Variants in INPP4B observed in about 807,000 individuals in gnomAD.
INPP4B encodes the protein inositol polyphosphate 4-phosphatase type II.
INPP4B carries 55 observed loss-of-function variants against 122.5 expected under a neutral mutation model. That is an observed-to-expected ratio of 0.45 (90% CI 0.36 to 0.56). The LOEUF (loss-of-function observed/expected upper bound fraction) is 0.56, where lower values mean the gene tolerates loss of function less well. INPP4B is among the 20% of genes least tolerant of loss of function. INPP4B has a pLI of 0.00. For missense variants in INPP4B, 1,000 were observed against 1,097.7 expected (o/e 0.91, Z 1.26); for synonymous variants, 403 against 388.7 (o/e 1.04, Z -0.43).
chr4:142,746,969 C>A (rs1768850299), intron 1 of INPP4B, among the ~76,000 whole-genome samples: 1 of 152,056 alleles, frequency 6.6e-6, no homozygotes, highest in Admixed American at 6.6e-5. Flanking sequence ...TGGGCAAAGA[C>A]TTCATGACTA....
At chr4:142,802,259 T>C (rs985175620) in intron 1 of INPP4B, among the ~76,000 whole-genome samples, 3 of 152,242 alleles carry the variant, frequency 2.0e-5, no homozygotes, top group Non-Finnish European at 4.4e-5. Flanking sequence ...TACTTCCTTT[T>C]GCCAGAGACT....
intron 1 of INPP4B, among the ~76,000 whole-genome samples, chr4:142,742,665 A>C (rs1768078055): frequency 6.6e-6 from 1 of 152,000 alleles, no homozygotes; most frequent in Non-Finnish European, 1.5e-5. Flanking sequence ...TTACAACCAA[A>C]TGACCCATGG....
chr4:142,282,931 T>C (rs1055757925), intron 9 of INPP4B, among the ~76,000 whole-genome samples: 2 of 152,082 alleles, frequency 1.3e-5, no homozygotes, highest in Non-Finnish European at 2.9e-5. Context: ...TGTAGAGCTC[T>C]ATAGAAAACA....
intron 2 of INPP4B, among the ~76,000 whole-genome samples, chr4:142,497,428 C>T (rs1822733388): frequency 6.6e-6 from 1 of 152,124 alleles, no homozygotes; most frequent in African/African-American, 2.4e-5. Context: ...ATCAAAGCTA[C>T]ATCTGTTAAT....
At chr4:142,611,637 C>CTTTTTT (rs34482115) in intron 2 of INPP4B, among the ~76,000 whole-genome samples, 467 of 65,126 alleles carry the variant, frequency 7.2e-3, no homozygotes, top group Middle Eastern at 0.017. Flanking sequence ...TTTCTTTTTT[C>CTTTTTT]TTTTTTTTTT....
intron 11 of INPP4B, among the ~76,000 whole-genome samples, chr4:142,259,645 TAC>T (rs1738679124): frequency 6.6e-6 from 1 of 151,804 alleles, no homozygotes; most frequent in African/African-American, 2.4e-5. Context: ...TTTTACTTTA[TAC>T]ACTTTTAAAT....
chr4:142,495,599 T>C (rs764551257), intron 2 of INPP4B, among the ~76,000 whole-genome samples: 8 of 152,084 alleles, frequency 5.3e-5, no homozygotes, highest in Non-Finnish European at 1.2e-4. Context: ...ATCCTCCAGC[T>C]GACTCCCAAA....
intron 2 of INPP4B, among the ~76,000 whole-genome samples, chr4:142,664,900 G>A (rs1331840569): frequency 2.6e-5 from 4 of 152,160 alleles, no homozygotes; most frequent in Non-Finnish European, 4.4e-5. Flanking sequence ...ATCATAGAGT[G>A]TATTTATGTA....
At chr4:142,843,584 G>T (rs1242636291) in intron 1 of INPP4B, among the ~76,000 whole-genome samples, 1 of 151,798 alleles carries the variant, frequency 6.6e-6, no homozygotes, top group South Asian at 2.1e-4. Flanking sequence ...TACAGATTAG[G>T]TATGATATTT....
At chr4:142,622,586 CG>C in intron 2 of INPP4B, among the ~76,000 whole-genome samples, 1 of 151,894 alleles carries the variant, frequency 6.6e-6, no homozygotes, top group Non-Finnish European at 1.5e-5. Flanking sequence ...AAATATCATG[CG>C]GGAAATTCCT....
chr4:142,109,428 C>T (rs920709138), intron 22 of INPP4B, among the ~76,000 whole-genome samples: 9 of 152,144 alleles, frequency 5.9e-5, no homozygotes, highest in African/African-American at 2.2e-4. Context: ...CACTGAACTT[C>T]AATGCTTCTC....
chr4:142,644,055 G>A (rs1751163791), intron 2 of INPP4B, among the ~76,000 whole-genome samples: 1 of 151,994 alleles, frequency 6.6e-6, no homozygotes, highest in Admixed American at 6.6e-5. Flanking sequence ...AAAAAAATTA[G>A]CCAGGTGTGG....
intron 14 of INPP4B, among the ~76,000 whole-genome samples, chr4:142,193,977 T>A (rs552183867): frequency 6.6e-6 from 1 of 152,278 alleles, no homozygotes; most frequent in Admixed American, 6.5e-5. Flanking sequence ...CTTGCTAAAC[T>A]ACATTTTATT....
intron 2 of INPP4B, among the ~76,000 whole-genome samples, chr4:142,550,686 T>C (rs914333145): frequency 5.9e-5 from 9 of 151,606 alleles, no homozygotes; most frequent in African/African-American, 2.2e-4. Context: ...TTTGAAGTGT[T>C]CATTCAATTC....
At chr4:142,459,509 A>G (rs1255409916) in intron 3 of INPP4B, among the ~76,000 whole-genome samples, 1 of 152,172 alleles carries the variant, frequency 6.6e-6, no homozygotes, top group East Asian at 1.9e-4. Context: ...GAGGATTTAA[A>G]AATGTGAATA....
chr4:142,042,505 T>C (rs1466067298), intron 25 of INPP4B, among the ~76,000 whole-genome samples: 1 of 138,122 alleles, frequency 7.2e-6, no homozygotes, highest in African/African-American at 2.8e-5. Context: ...CCACTGCCAA[T>C]TTATGTGTGT....
intron 2 of INPP4B, among the ~76,000 whole-genome samples, chr4:142,581,435 G>A (rs1735032529): frequency 6.6e-6 from 1 of 151,452 alleles, no homozygotes; most frequent in Non-Finnish European, 1.5e-5. Flanking sequence ...AAATCATCAA[G>A]GTCAGTGGAC....
At chr4:142,557,314 G>A (rs984204710) in intron 2 of INPP4B, among the ~76,000 whole-genome samples, 3 of 152,164 alleles carry the variant, frequency 2.0e-5, no homozygotes, top group Admixed American at 1.3e-4. Flanking sequence ...AACAAGAAGA[G>A]TATGTAAAAG....
chr4:142,720,801 C>CTATATA lies in INPP4B; in HGVS notation c.-191+5037_-191+5038insTATATA, dbSNP rs1323800095. ...TCTCTCTCTCTCTCTCTCTCTCTCTCTCTCTCTCTATATATATATATATAT... is the reference window on the plus strand; with the variant it reads ...TCTCTCTCTCTCTCTCTCTCTCTCTCTATATATCTCTCTCTATATATATATATATAT... On this transcript the variant is annotated intron_variant, in intron 2 of 25. Coordinates refer to ENST00000262992, the MANE Select transcript of INPP4B (RefSeq NM_001101669.3). 1.4e-3 allele frequency among the ~76,000 whole-genome samples: 31 copies of CTATATA among 22,340 alleles called. 1 individual carries two copies. The highest frequency in any genetic ancestry group is 7.4e-3 in the South Asian group (3 of 406). 14.7% of individuals were successfully genotyped at this position (22,340 alleles called of 152,430 possible). A position where few individuals can be genotyped will look rare whatever the true frequency, so the allele number is the denominator to read the frequency against.
Sources: allele counts gnomAD v4.1 joint callset (sites outside exome capture counted in the v4.1 genomes callset), GRCh38; gene constraint gnomAD v4.1.1; transcripts MANE v1.5; gene names NCBI Gene and HGNC (gene_info 2026-07-23, HGNC 2026-07-21).